The following COLEC12 variants were observed in gnomAD, a reference collection of about 807,000 sequenced individuals.
COLEC12 encodes the protein collectin subfamily member 12.
Under a neutral mutation model 71.1 loss-of-function variants are expected in COLEC12, and 33 were observed. The ratio of observed to expected loss-of-function variants is 0.46; its 90% confidence interval spans 0.35 to 0.62. The LOEUF (loss-of-function observed/expected upper bound fraction) is 0.62. COLEC12 is among the 20% of genes least tolerant of loss of function. The probability of loss-of-function intolerance (pLI) is 0.00; values close to 1 mark genes in which losing one functional copy is unlikely to be tolerated. For synonymous variants in COLEC12, 350 were observed against 353.0 expected (o/e 0.99, Z 0.10); for missense variants, 765 against 916.1 (o/e 0.84, Z 2.13).
intron 2 of COLEC12, among the ~76,000 whole-genome samples, chr18:407,176 T>C (rs2143628308): frequency 6.6e-6 from 1 of 152,384 alleles, no homozygotes; most frequent in East Asian, 1.9e-4. Flanking sequence ...AAACCCCATT[T>C]TAAAGAAATT....
intron 2 of COLEC12, among the ~76,000 whole-genome samples, chr18:381,180 T>A (rs529533093): frequency 5.9e-4 from 90 of 152,224 alleles, no homozygotes; most frequent in African/African-American, 2.0e-3. Flanking sequence ...AAATGGCTAT[T>A]TACATAGGAA....
chr18:390,657 G>A lies in COLEC12; in HGVS notation c.59-33135C>T, dbSNP rs181655831. On this transcript the variant is annotated intron_variant, in intron 2 of 9. Coordinates refer to ENST00000400256, the MANE Select transcript of COLEC12 (RefSeq NM_130386.3). ...TGCCTGTAGTCCCAGCTACTCGGGA[G>A]GATGAGGCAGGAGAATTGCTTGAAC... Among the ~76,000 whole-genome samples, 477 of 152,262 alleles carry A rather than the reference G, an allele frequency of 3.1e-3. 6 individuals are homozygous for A. Among genetic ancestry groups the A allele is most frequent in the African/African-American group, 0.011 (448 of 41,544 alleles).
chr18:483,374 A>C (rs1336861896), intron 1 of COLEC12, among the ~76,000 whole-genome samples: 2 of 149,352 alleles, frequency 1.3e-5, no homozygotes, highest in Non-Finnish European at 3.0e-5. Context: ...CTCCAGCCTG[A>C]GCGACAGAGT....
intron 2 of COLEC12, among the ~76,000 whole-genome samples, chr18:417,041 GACAC>G (rs35399538): frequency 0.33 from 49,550 of 150,182 alleles, 8,591 homozygotes; most frequent in South Asian, 0.51. Context: ...CATGCACCCA[GACAC>G]ACACACACAC....
At chr18:332,471 C>T (rs8091069) in intron 7 of COLEC12, among the ~76,000 whole-genome samples, 2 of 152,250 alleles carry the variant, frequency 1.3e-5, no homozygotes, top group African/African-American at 4.8e-5. Context: ...TTTTCCTAGC[C>T]GTCAAATGAG....
At chr18:344,993 T>A (rs916723210) in intron 5 of COLEC12, among the ~76,000 whole-genome samples, 1 of 152,222 alleles carries the variant, frequency 6.6e-6, no homozygotes, top group Non-Finnish European at 1.5e-5. Context: ...AGGGGCTTAT[T>A]AACTACCACT....
chr18:500,546 A>C lies in COLEC12; in HGVS notation c.-32T>G. The C allele has an allele frequency of 8.2e-7, 1 of 1,221,018 alleles. No individual in the cohort carries two copies. Among genetic ancestry groups the C allele is most frequent in the Non-Finnish European group, 1.0e-6 (1 of 981,514 alleles). The allele number at this position is 1,221,018 out of a possible 1,614,324, so 75.6% of individuals were successfully genotyped here. A position where few individuals can be genotyped will look rare whatever the true frequency, so the allele number is the denominator to read the frequency against. On this transcript the variant is annotated 5_prime_UTR_variant, in exon 1 of 10. Coordinates refer to ENST00000400256, the MANE Select transcript of COLEC12 (RefSeq NM_130386.3). The surrounding 1 kb of genome is among the most constrained non-coding windows in gnomAD (Gnocchi z 5.3). The stretch of plus-strand genomic sequence containing the variant: ...CGTGGGGACGCACCGCCGGCCGGGG[A>C]GCTCCGCGCGAGCGCCGCGCAGCCG...
intron 8 of COLEC12, among the ~76,000 whole-genome samples, chr18:324,682 A>G (rs1369393483): frequency 7.1e-6 from 1 of 139,888 alleles, no homozygotes; most frequent in African/African-American, 2.7e-5. Context: ...TACAAAAATT[A>G]GCCGGGCCTG....
chr18:435,642 CTTT>C (rs1023217737), intron 2 of COLEC12, among the ~76,000 whole-genome samples: 1 of 152,130 alleles, frequency 6.6e-6, no homozygotes, highest in African/African-American at 2.4e-5. Flanking sequence ...TTTGAAGTCT[CTTT>C]TTATACGCTG....
chr18:485,301 C>T (rs58158828), intron 1 of COLEC12, among the ~76,000 whole-genome samples: 191 of 152,270 alleles, frequency 1.3e-3, no homozygotes, highest in African/African-American at 4.1e-3. Context: ...ACAGTCATAG[C>T]CACACAACTG....
intron 2 of COLEC12, among the ~76,000 whole-genome samples, chr18:441,734 C>T (rs931732064): frequency 6.6e-6 from 1 of 152,118 alleles, no homozygotes; most frequent in Non-Finnish European, 1.5e-5. Flanking sequence ...TGTGGACTCA[C>T]GCCTGTAATC....
chr18:355,744 A>C (rs1282183132), intron 3 of COLEC12, among the ~76,000 whole-genome samples: 1 of 152,150 alleles, frequency 6.6e-6, no homozygotes, highest in African/African-American at 2.4e-5. Flanking sequence ...AGTCATGGAG[A>C]AGTGAGTAAT....
intron 2 of COLEC12, among the ~76,000 whole-genome samples, chr18:440,280 T>C (rs1169167538): frequency 6.6e-6 from 1 of 151,938 alleles, no homozygotes; most frequent in African/African-American, 2.4e-5. Flanking sequence ...GATCTAATAA[T>C]GTATAGCATG....
chr18:445,188 A>G (rs1916622379), intron 2 of COLEC12, among the ~76,000 whole-genome samples: 1 of 152,306 alleles, frequency 6.6e-6, no homozygotes, highest in Admixed American at 6.5e-5. Context: ...AGAGTGCAAT[A>G]ACATGCACTT....
intron 1 of COLEC12, among the ~76,000 whole-genome samples, chr18:483,675 C>T (rs1322272485): frequency 6.6e-6 from 1 of 152,200 alleles, no homozygotes; most frequent in Non-Finnish European, 1.5e-5. Context: ...CACAAACACA[C>T]ATCAAGTCCA....
intron 2 of COLEC12, among the ~76,000 whole-genome samples, chr18:428,278 G>A (rs2846646): frequency 6.8e-6 from 1 of 147,796 alleles, no homozygotes; most frequent in African/African-American, 2.5e-5. Context: ...AAAAAAAAAA[G>A]AGCTTTTTCT....
In COLEC12 at chr18:349,011, C is replaced by T. The variant is rs544957390; in HGVS notation, c.182-848G>A. ...TGTTCTGGTGGTAGTGAATAAGTCT[C>T]ACAAGATCTGATGGTCTTATCAGGG... On this transcript the variant is annotated intron_variant, in intron 3 of 9. Coordinates refer to ENST00000400256, the MANE Select transcript of COLEC12 (RefSeq NM_130386.3). 3.9e-5 allele frequency among the ~76,000 whole-genome samples: 6 copies of T among 152,294 alleles called. No homozygotes were observed. In the South Asian group the frequency reaches 1.2e-3, roughly 32 times the overall value.
At chr18:320,410 C>G (rs114956419) in intron 9 of COLEC12, among the ~76,000 whole-genome samples, 1 of 152,160 alleles carries the variant, frequency 6.6e-6, no homozygotes, top group Non-Finnish European at 1.5e-5. Flanking sequence ...TCAACTGACC[C>G]AGCTGTGAGT....
At chr18:355,685 AT>A (rs1914615938) in intron 3 of COLEC12, among the ~76,000 whole-genome samples, 1 of 152,208 alleles carries the variant, frequency 6.6e-6, no homozygotes, top group African/African-American at 2.4e-5. Flanking sequence ...AAAAGTACTT[AT>A]TAAATGGCTG....
Sources: gnomAD v4.1 joint callset for allele counts (sites outside exome capture counted in the v4.1 genomes callset) on GRCh38, gnomAD v4.1.1 for gene constraint, Gnocchi (gnomAD v3.1) non-coding constraint, MANE v1.5 for transcripts, NCBI Gene and HGNC (gene_info 2026-07-23, HGNC 2026-07-21) for gene names.